The following NYAP2 variants were observed in gnomAD, a reference collection of about 807,000 sequenced individuals.
NYAP2 encodes neuronal tyrosine-phosphorylated phosphoinositide-3-kinase adapter 2.
NYAP2 carries 23 observed loss-of-function variants against 50.4 expected under a neutral mutation model. That is an observed-to-expected ratio of 0.46 (90% CI 0.33 to 0.65). The LOEUF (loss-of-function observed/expected upper bound fraction) is 0.65, where lower values mean the gene tolerates loss of function less well. NYAP2 is among the 30% of genes least tolerant of loss of function. The pLI is 0.02. For synonymous variants in NYAP2, 394 were observed against 365.2 expected, an observed-to-expected ratio of 1.08 and a Z score of -0.90; for missense variants, 885 against 861.0, an observed-to-expected ratio of 1.03 and a Z score of -0.35.
intron 5 of NYAP2, among the ~76,000 whole-genome samples, chr2:225,583,854 C>T (rs933330114): frequency 3.3e-5 from 5 of 152,164 alleles, no homozygotes; most frequent in Non-Finnish European, 7.3e-5. Context: ...TCCTGGTTAA[C>T]ACTGTGAAAC....
At chr2:225,523,376 A>G (rs1392338323) in intron 4 of NYAP2, among the ~76,000 whole-genome samples, 1 of 151,962 alleles carries the variant, frequency 6.6e-6, no homozygotes, top group Non-Finnish European at 1.5e-5. Context: ...GAATTCAGTA[A>G]AGTACCACGA....
At chr2:225,455,958 T>C (rs1484962434) in intron 3 of NYAP2, among the ~76,000 whole-genome samples, 1 of 152,186 alleles carries the variant, frequency 6.6e-6, no homozygotes, top group Non-Finnish European at 1.5e-5. Context: ...ATTCTCTTAA[T>C]CAGGTATCAT....
chr2:225,656,150 G>T (rs1040889942), downstream of NYAP2, among the ~76,000 whole-genome samples: 3 of 152,174 alleles, frequency 2.0e-5, no homozygotes, highest in Admixed American at 6.5e-5. Context: ...AAGGTCACTT[G>T]TAATTTCCTT....
In NYAP2 at chr2:225,582,957, C is replaced by G; in HGVS notation, c.1540C>G (p.Leu514Val). The stretch of plus-strand genomic sequence containing the variant: ...GACACCCACGAGCCCGCTGGAGGAG[C>G]TGACCAGCCTCTTCTCCTCCGGCCG... Residue 514 changes from leucine to valine, a missense_variant, in exon 5 of 7, where the codon CTG becomes GTG. Leu to Val is a conservative substitution (Grantham distance 32, BLOSUM62 1). Coordinates refer to ENST00000636099, the Ensembl canonical transcript of NYAP2. This position sits in a 1 kb window ranked among gnomAD's most constrained non-coding sequence, Gnocchi z 7.0. 6.2e-7 allele frequency: 1 copy of G among 1,612,356 alleles called. No homozygotes were observed. Among genetic ancestry groups the G allele is most frequent in the Non-Finnish European group, 8.5e-7 (1 of 1,179,686 alleles).
Position 225,582,421 on chromosome 2 carries a change from C to G in NYAP2, c.1004C>G (p.Pro335Arg). The G allele has an allele frequency of 1.9e-6, 3 of 1,597,860 alleles. No homozygotes were observed. The highest frequency in any genetic ancestry group is 2.6e-6 in the Non-Finnish European group (3 of 1,169,480). The change falls in exon 5 of 7, where the codon CCG becomes CGG. Residue 335 changes from proline (P) to arginine (R), a missense_variant. Coordinates refer to ENST00000636099, the Ensembl canonical transcript of NYAP2. The surrounding 1 kb of genome is among the most constrained non-coding windows in gnomAD (Gnocchi z 7.0). ...CCCAACCTGCTTTCTCACAGACCCC[C>G]GCTGCTGGTATTTCCCCCCGCCCCC...
chr2:225,615,911 T>C (rs1401296898), intron 5 of NYAP2, among the ~76,000 whole-genome samples: 1 of 152,232 alleles, frequency 6.6e-6, no homozygotes, highest in Non-Finnish European at 1.5e-5. Context: ...CAATGCTTTA[T>C]ATTTCATTAT....
rs142964776 is a variant in NYAP2 at position 225,572,763 on chromosome 2, C to T, written c.524-9178C>T. On this transcript the variant is annotated intron_variant, in intron 4 of 6. Coordinates refer to ENST00000636099, the Ensembl canonical transcript of NYAP2. ...GAATTATGTATGTAGTGGCTTCAGG[C>T]TCTACTAGCATGCTGAGTCCATGTC... 2.1e-3 allele frequency among the ~76,000 whole-genome samples: 321 copies of T among 152,266 alleles called. 1 individual carries two copies. Among genetic ancestry groups the T allele is most frequent in the African/African-American group, 7.2e-3 (298 of 41,554 alleles).
the NYAP2 span, among the ~76,000 whole-genome samples, chr2:225,689,427 TTTG>T: frequency 6.6e-6 from 1 of 152,146 alleles, no homozygotes; most frequent in African/African-American, 2.4e-5. Context: ...ACATGTGATG[TTTG>T]TTATTATGTA....
At chr2:225,420,901 A>G (rs987238988) in intron 3 of NYAP2, among the ~76,000 whole-genome samples, 3 of 152,000 alleles carry the variant, frequency 2.0e-5, no homozygotes, top group Non-Finnish European at 2.9e-5. Context: ...TTCTTTCTAC[A>G]GGGATTCTTA....
intron 5 of NYAP2, among the ~76,000 whole-genome samples, chr2:225,597,668 A>G (rs973672191): frequency 6.0e-5 from 9 of 150,806 alleles, no homozygotes; most frequent in African/African-American, 2.2e-4. Flanking sequence ...TCCTCTGGGT[A>G]GGTACCCAGT....
intron 5 of NYAP2, among the ~76,000 whole-genome samples, chr2:225,598,451 G>A (rs1692643315): frequency 6.6e-6 from 1 of 152,116 alleles, no homozygotes; most frequent in African/African-American, 2.4e-5. Flanking sequence ...TATGTGGATG[G>A]AAGACTGTTA....
intron 3 of NYAP2, among the ~76,000 whole-genome samples, chr2:225,470,518 C>T (rs1008665711): frequency 2.0e-5 from 3 of 152,006 alleles, no homozygotes; most frequent in Non-Finnish European, 4.4e-5. Context: ...AAATTTGTGC[C>T]ACACTTGAGG....
the NYAP2 span, among the ~76,000 whole-genome samples, chr2:225,673,573 G>C: frequency 2.4e-4 from 36 of 152,122 alleles, no homozygotes; most frequent in Non-Finnish European, 2.9e-4. Context: ...GATTATTGCT[G>C]TGCATTCATT....
At chr2:225,403,749 G>T (rs539225771) in intron 2 of NYAP2, among the ~76,000 whole-genome samples, 2 of 151,918 alleles carry the variant, frequency 1.3e-5, no homozygotes, top group Non-Finnish European at 2.9e-5. Flanking sequence ...GCCTATGAAG[G>T]CTACTGGACT....
chr2:225,433,802 G>C (rs1298904188), intron 3 of NYAP2, among the ~76,000 whole-genome samples: 1 of 124,790 alleles, frequency 8.0e-6, no homozygotes, highest in Non-Finnish European at 1.6e-5. Flanking sequence ...GGGCGACAGA[G>C]CGAGACTCCG....
the NYAP2 span, among the ~76,000 whole-genome samples, chr2:225,664,200 G>A: frequency 2.0e-5 from 3 of 152,148 alleles, no homozygotes; most frequent in South Asian, 4.1e-4. Flanking sequence ...ATTGCAAAGC[G>A]AGGGATATAA....
At chr2:225,532,996 C>T (rs1438551633) in intron 4 of NYAP2, among the ~76,000 whole-genome samples, 1 of 152,042 alleles carries the variant, frequency 6.6e-6, no homozygotes, top group Non-Finnish European at 1.5e-5. Flanking sequence ...TCATGACAAC[C>T]CAGTGTAGCC....
At chr2:225,684,406 CT>C in the NYAP2 span, among the ~76,000 whole-genome samples, 9,092 of 138,620 alleles carry the variant, frequency 0.066, 336 homozygotes, top group East Asian at 0.18. Context: ...TTCTCTCTCT[CT>C]TTTTTTTTTT....
intron 3 of NYAP2, among the ~76,000 whole-genome samples, chr2:225,425,068 T>TA (rs557721566): frequency 8.5e-5 from 13 of 152,104 alleles, no homozygotes; most frequent in African/African-American, 3.1e-4. Context: ...TTATTTTTTT[T>TA]AAAAAAAGAA....
Sources: gnomAD v4.1 joint callset for allele counts (sites outside exome capture counted in the v4.1 genomes callset) on GRCh38, gnomAD v4.1.1 for gene constraint, Gnocchi (gnomAD v3.1) non-coding constraint, MANE v1.5 for transcripts, NCBI Gene and HGNC (gene_info 2026-07-23, HGNC 2026-07-21) for gene names.